The following UNC5C variants were observed in gnomAD, a reference collection of about 807,000 sequenced individuals.
UNC5C encodes unc-5 netrin receptor C, also known as netrin receptor UNC5C.
UNC5C carries 47 observed loss-of-function variants against 99.8 expected under a neutral mutation model. The observed-to-expected ratio is 0.47, with a 90% CI of 0.37 to 0.60. UNC5C has a LOEUF of 0.60. Ranked by LOEUF, UNC5C falls within the 20% of genes least tolerant of loss-of-function variation. The pLI, the probability that UNC5C is intolerant of heterozygous loss-of-function variation, is 0.00. For synonymous variants in UNC5C, 487 were observed against 452.2 expected, an observed-to-expected ratio of 1.08 and a Z score of -0.98; for missense variants, 1,062 against 1,165.9, an observed-to-expected ratio of 0.91 and a Z score of 1.30.
At chr4:95,546,169 A>G (rs1476258726) in intron 1 of UNC5C, among the ~76,000 whole-genome samples, 1 of 152,242 alleles carries the variant, frequency 6.6e-6, no homozygotes, top group African/African-American at 2.4e-5. Context: ...TTGCTCTTGG[A>G]CTTTCATTCA....
intron 1 of UNC5C, among the ~76,000 whole-genome samples, chr4:95,455,867 T>A (rs1272168052): frequency 6.6e-6 from 1 of 152,140 alleles, no homozygotes; most frequent in Non-Finnish European, 1.5e-5. Flanking sequence ...ATAGGAGTAT[T>A]CCACTCAGGT....
intron 2 of UNC5C, among the ~76,000 whole-genome samples, chr4:95,313,000 C>T (rs186804777): frequency 1.4e-4 from 21 of 152,186 alleles, no homozygotes; most frequent in African/African-American, 2.4e-4. Flanking sequence ...AATCCCATGA[C>T]AAAAGGTATA....
chr4:95,475,579 T>C (rs1243845520), intron 1 of UNC5C, among the ~76,000 whole-genome samples: 2 of 152,176 alleles, frequency 1.3e-5, no homozygotes, highest in Non-Finnish European at 2.9e-5. Context: ...GAAATAGATA[T>C]ATATTCAAAA....
chr4:95,258,923 G>A (rs938501184), intron 4 of UNC5C, among the ~76,000 whole-genome samples: 18 of 149,216 alleles, frequency 1.2e-4, no homozygotes, highest in Non-Finnish European at 1.5e-5. Context: ...CACTGCGCCC[G>A]GCTAATTTTT....
chr4:95,265,904 A>G (rs1740430378), intron 4 of UNC5C, among the ~76,000 whole-genome samples: 1 of 152,144 alleles, frequency 6.6e-6, no homozygotes, highest in African/African-American at 2.4e-5. Context: ...ATGAGATACG[A>G]AAAGAAAGCA....
At chr4:95,509,543 ACTGAT>A (rs1466499513) in intron 1 of UNC5C, among the ~76,000 whole-genome samples, 1 of 151,918 alleles carries the variant, frequency 6.6e-6, no homozygotes, top group Non-Finnish European at 1.5e-5. Flanking sequence ...CTTTTACATA[ACTGAT>A]TAAATGCCTG....
rs998151083 is a variant in UNC5C at position 95,165,139 on chromosome 4, A to G, written c.*4095T>C. On this transcript the variant is annotated 3_prime_UTR_variant, in exon 16 of 16. Coordinates refer to ENST00000453304, the MANE Select transcript of UNC5C (RefSeq NM_003728.4). ...AGGAGAAGTGAAAAGTCTTGATTCC[A>G]CCCTCAAAACGTTGACTTTTCAGAT... 2.7e-4 allele frequency: 41 copies of G among 152,136 alleles called. No homozygotes were observed. The highest frequency in any genetic ancestry group is 9.9e-4 in the African/African-American group (41 of 41,424). 9.4% of individuals were successfully genotyped at this position (152,136 alleles called of 1,614,324 possible). A position where few individuals can be genotyped will look rare whatever the true frequency, so the allele number is the denominator to read the frequency against.
At chr4:95,510,949 C>G (rs1722055097) in intron 1 of UNC5C, among the ~76,000 whole-genome samples, 2 of 152,130 alleles carry the variant, frequency 1.3e-5, no homozygotes, top group African/African-American at 4.8e-5. Flanking sequence ...AAGTCTTCTT[C>G]AGGTCCCCAT....
intron 12 of UNC5C, among the ~76,000 whole-genome samples, chr4:95,185,463 T>TTA (rs1228161670): frequency 2.6e-5 from 4 of 152,230 alleles, no homozygotes; most frequent in Admixed American, 2.6e-4. Context: ...AGTTTGCCCT[T>TTA]TACCGACTGA....
rs375018858 is a variant in UNC5C, at chr4:95,518,474, ATTT to A, written c.124+30257_124+30259del. On this transcript the variant is annotated intron_variant, in intron 1 of 15. Transcript: ENST00000453304. ...TTATGCTGCAAAATATAGTCAAAATATTTTTTAAATTGACTTTAAATATGCATA... is the reference window on the plus strand; with the variant it reads ...TTATGCTGCAAAATATAGTCAAAATATTTAAATTGACTTTAAATATGCATA... Among the ~76,000 whole-genome samples the A allele has an allele frequency of 2.8e-4, 43 of 152,276 alleles. No homozygotes were observed. The East Asian group carries it at 8.1e-3, about 29-fold the overall frequency.
intron 1 of UNC5C, among the ~76,000 whole-genome samples, chr4:95,490,263 C>G (rs183916058): frequency 2.0e-5 from 3 of 151,588 alleles, no homozygotes. Context: ...AGAGAAATCA[C>G]TGAAAGAAAA....
At chr4:95,451,794 A>G (rs1202216047) in intron 1 of UNC5C, among the ~76,000 whole-genome samples, 1 of 152,208 alleles carries the variant, frequency 6.6e-6, no homozygotes, top group African/African-American at 2.4e-5. Flanking sequence ...TAAACATTAT[A>G]ACAAATGAGA....
At chr4:95,319,626 G>T (rs970357690) in intron 2 of UNC5C, among the ~76,000 whole-genome samples, 2 of 152,232 alleles carry the variant, frequency 1.3e-5, no homozygotes, top group African/African-American at 2.4e-5. Context: ...CCCCAGGACT[G>T]GTCTGAGAAT....
At chr4:95,410,227 T>G (rs1415179012) in intron 1 of UNC5C, among the ~76,000 whole-genome samples, 1 of 152,146 alleles carries the variant, frequency 6.6e-6, no homozygotes, top group Non-Finnish European at 1.5e-5. Flanking sequence ...CTGATGCACC[T>G]CTTAATTATA....
intron 1 of UNC5C, among the ~76,000 whole-genome samples, chr4:95,509,756 C>T (rs1373857528): frequency 1.3e-5 from 2 of 151,532 alleles, no homozygotes; most frequent in Non-Finnish European, 3.0e-5. Context: ...GAGTAGCAGG[C>T]CATTTTAATT....
chr4:95,376,077 A>C (rs1462231056), intron 1 of UNC5C, among the ~76,000 whole-genome samples: 2 of 151,974 alleles, frequency 1.3e-5, no homozygotes, highest in African/African-American at 4.8e-5. Context: ...CAAACAAACA[A>C]AAATATATAT....
intron 1 of UNC5C, among the ~76,000 whole-genome samples, chr4:95,413,912 G>T (rs1746082980): frequency 6.6e-6 from 1 of 152,206 alleles, no homozygotes; most frequent in African/African-American, 2.4e-5. Flanking sequence ...GAGACAGCCT[G>T]CAAATGGGAA....
At chr4:95,170,940 C>T (rs1345822958) in intron 14 of UNC5C, among the ~76,000 whole-genome samples, 1 of 152,190 alleles carries the variant, frequency 6.6e-6, no homozygotes, top group Non-Finnish European at 1.5e-5. Context: ...ATATTATTGC[C>T]TTAGGGCAAG....
At chr4:95,417,099 A>G (rs1224088239) in intron 1 of UNC5C, among the ~76,000 whole-genome samples, 1 of 152,196 alleles carries the variant, frequency 6.6e-6, no homozygotes, top group Non-Finnish European at 1.5e-5. Context: ...AGTTTGTTGA[A>G]CAAAAAACTG....
Sources: gnomAD v4.1 joint callset for allele counts (sites outside exome capture counted in the v4.1 genomes callset) on GRCh38, gnomAD v4.1.1 for gene constraint, MANE v1.5 for transcripts, NCBI Gene and HGNC (gene_info 2026-07-23, HGNC 2026-07-21) for gene names.